CFAP299: variants seen among roughly 807,000 people sequenced by gnomAD.
CFAP299 encodes the protein cilia- and flagella-associated protein 299.
A neutral mutation model predicts 27.0 loss-of-function variants in CFAP299; 21 were observed. That is an observed-to-expected ratio of 0.78 (90% CI 0.55 to 1.12). The LOEUF is 1.12. Ranked by LOEUF, CFAP299 falls within the 50% of genes most tolerant of loss-of-function variation. CFAP299 has a pLI of 0.00. For missense variants in CFAP299, 310 were observed against 276.6 expected (o/e 1.12, Z -0.86); for synonymous variants, 104 against 98.1 (o/e 1.06, Z -0.36).
intron 3 of CFAP299, among the ~76,000 whole-genome samples, chr4:80,721,442 C>G (rs540328297): frequency 2.0e-5 from 3 of 152,180 alleles, no homozygotes; most frequent in African/African-American, 7.2e-5. Context: ...CATGTCTTAA[C>G]ATCATCTTCC....
chr4:80,839,921 C>G (rs958762287), intron 3 of CFAP299, among the ~76,000 whole-genome samples: 1 of 152,096 alleles, frequency 6.6e-6, no homozygotes, highest in Non-Finnish European at 1.5e-5. Flanking sequence ...CAGGCCCACT[C>G]TGAAGCCTAA....
chr4:80,388,764 A>T, intron 2 of CFAP299: 1 of 501,500 alleles, frequency 2.0e-6, no homozygotes, highest in Non-Finnish European at 3.5e-6. Flanking sequence ...TTTTTTGGGG[A>T]GGTAGGGTTT....
At chr4:80,619,664 A>G (rs1337168961) in intron 3 of CFAP299, among the ~76,000 whole-genome samples, 1 of 152,104 alleles carries the variant, frequency 6.6e-6, no homozygotes, top group Non-Finnish European at 1.5e-5. Flanking sequence ...AGTGCAGTCA[A>G]TGACTAGGTA....
chr4:80,606,274 C>G (rs976048054), intron 3 of CFAP299, among the ~76,000 whole-genome samples: 1 of 152,138 alleles, frequency 6.6e-6, no homozygotes, highest in East Asian at 1.9e-4. Context: ...TGGTGGCTCA[C>G]GCTTGTAATC....
At chr4:80,900,123 A>AGTGTGTGTGT (rs3038537) in intron 4 of CFAP299, among the ~76,000 whole-genome samples, 9,044 of 139,754 alleles carry the variant, frequency 0.065, 563 homozygotes, top group African/African-American at 0.13. Flanking sequence ...AGTGGAAGAA[A>AGTGTGTGTGT]GTGTGTGTGT....
At chr4:80,541,812 C>T (rs551235212) in intron 2 of CFAP299, among the ~76,000 whole-genome samples, 1 of 152,050 alleles carries the variant, frequency 6.6e-6, no homozygotes, top group East Asian at 1.9e-4. Context: ...AGAAAAGGAT[C>T]CAATGAATTT....
At chr4:80,527,391 A>G (rs956307085) in intron 2 of CFAP299, among the ~76,000 whole-genome samples, 2 of 152,240 alleles carry the variant, frequency 1.3e-5, no homozygotes, top group Non-Finnish European at 2.9e-5. Context: ...TTTCATCACA[A>G]CGTTAGTTTA....
rs1053061177 is a variant in CFAP299, at chr4:80,844,368, C to A, written c.334-25625C>A. 1.1e-4 allele frequency among the ~76,000 whole-genome samples: 16 copies of A among 152,236 alleles called. No homozygotes were observed. The East Asian group carries it at 1.5e-3, about 15-fold the overall frequency. On this transcript the variant is annotated intron_variant, in intron 3 of 5. Coordinates refer to ENST00000358105, the MANE Select transcript of CFAP299 (RefSeq NM_152770.3). ...TGGTTGAACTAGTTTACAGTCCCAC[C>A]AATAGTGTAAAAGTGTTCCTATTTT...
intron 3 of CFAP299, among the ~76,000 whole-genome samples, chr4:80,660,089 A>G (rs1316040675): frequency 2.0e-5 from 3 of 152,166 alleles, no homozygotes; most frequent in Non-Finnish European, 4.4e-5. Context: ...ACATATTAAA[A>G]TTTCTTACTC....
At chr4:80,899,921 A>C (rs1205016646) in intron 4 of CFAP299, among the ~76,000 whole-genome samples, 1 of 152,202 alleles carries the variant, frequency 6.6e-6, no homozygotes, top group Non-Finnish European at 1.5e-5. Context: ...AGAGATGAAC[A>C]TTAAGAAATG....
At position 80,390,968 on chromosome 4, in the gene CFAP299, T is replaced by C. The variant is rs150233861; in HGVS notation, c.242+28084T>C. The stretch of plus-strand genomic sequence containing the variant: ...ATGTACACACATGTATATATGTATA[T>C]ATGTATGTACACACATGTATATATG... On this transcript the variant is annotated intron_variant, in intron 2 of 5. Transcript: ENST00000358105. 1.0e-3 allele frequency among the ~76,000 whole-genome samples: 147 copies of C among 144,772 alleles called. 3 individuals carry two copies. The highest frequency in any genetic ancestry group is 3.6e-3 in the African/African-American group (139 of 39,010). The allele number at this position is 144,772 out of a possible 152,430, so 95.0% of individuals were successfully genotyped here.
rs908697083 is a variant in CFAP299 at position 80,829,381 on chromosome 4, A to G, written c.334-40612A>G. Among the ~76,000 whole-genome samples the G allele has an allele frequency of 5.6e-4, 85 of 152,068 alleles. 1 individual carries two copies. Among genetic ancestry groups the G allele is most frequent in the Non-Finnish European group, 1.8e-4 (12 of 67,968 alleles). ...CAAATAAAAACCACAATGAGATGAT[A>G]ATTTTCACCCATTAGGATGGATACT... On this transcript the variant is annotated intron_variant, in intron 3 of 5. Transcript: ENST00000358105.
intron 2 of CFAP299, among the ~76,000 whole-genome samples, chr4:80,484,805 T>G (rs1392557384): frequency 6.6e-6 from 1 of 152,188 alleles, no homozygotes; most frequent in Non-Finnish European, 1.5e-5. Context: ...CACTTTTTAA[T>G]TTTTTATAGT....
intron 3 of CFAP299, among the ~76,000 whole-genome samples, chr4:80,764,312 G>T (rs1725719847): frequency 6.6e-6 from 1 of 152,104 alleles, no homozygotes; most frequent in Admixed American, 6.6e-5. Context: ...CTTCTCAAAA[G>T]AAGACATTTA....
At chr4:80,783,528 T>C (rs1025007235) in intron 3 of CFAP299, among the ~76,000 whole-genome samples, 1 of 152,212 alleles carries the variant, frequency 6.6e-6, no homozygotes, top group Non-Finnish European at 1.5e-5. Context: ...TAAATGGATG[T>C]AAAATTATAG....
At chr4:80,401,638 A>C (rs1185359106) in intron 2 of CFAP299, among the ~76,000 whole-genome samples, 1 of 152,226 alleles carries the variant, frequency 6.6e-6, no homozygotes, top group Admixed American at 6.5e-5. Context: ...CAGGGCCTTC[A>C]TGGAGAACCT....
intron 2 of CFAP299, among the ~76,000 whole-genome samples, chr4:80,453,586 A>C (rs1259437669): frequency 6.6e-6 from 1 of 152,034 alleles, no homozygotes; most frequent in Non-Finnish European, 1.5e-5. Context: ...CACGCCTGTA[A>C]TCCCAGCACT....
At chr4:80,321,910 C>G in the CFAP299 span, among the ~76,000 whole-genome samples, 1 of 152,236 alleles carries the variant, frequency 6.6e-6, no homozygotes, top group South Asian at 2.1e-4. Context: ...GGAGAAAAAG[C>G]AGCTGTCTCA....
chr4:80,344,270 AGAG>A (rs1722617497), intron 1 of CFAP299, among the ~76,000 whole-genome samples: 2 of 151,632 alleles, frequency 1.3e-5, no homozygotes, highest in Non-Finnish European at 2.9e-5. Context: ...TAAAAAAAAA[AGAG>A]AGAGAGAGAG....
Sources: gnomAD v4.1 joint callset for allele counts (sites outside exome capture counted in the v4.1 genomes callset) on GRCh38, gnomAD v4.1.1 for gene constraint, MANE v1.5 for transcripts, NCBI Gene and HGNC (gene_info 2026-07-23, HGNC 2026-07-21) for gene names.